Variants in SFMBT2 observed in about 807,000 individuals in gnomAD.
SFMBT2 encodes scm-like with four MBT domains protein 2.
A neutral mutation model predicts 110.1 loss-of-function variants in SFMBT2; 38 were observed. The observed-to-expected ratio is 0.35, with a 90% CI of 0.27 to 0.45. The LOEUF is 0.45. SFMBT2 is among the 20% of genes least tolerant of loss of function. SFMBT2 has a pLI of 1.00. For synonymous variants in SFMBT2, 425 were observed against 425.4 expected, an observed-to-expected ratio of 1.00 and a Z score of 0.01; for missense variants, 1,011 against 1,094.9, an observed-to-expected ratio of 0.92 and a Z score of 1.08.
chr10:7,166,204 T>C (rs1427720458), intron 20 of SFMBT2, among the ~76,000 whole-genome samples: 1 of 152,256 alleles, frequency 6.6e-6, no homozygotes, highest in Non-Finnish European at 1.5e-5. Flanking sequence ...GGAAGTTTAC[T>C]TTCCTGGTGA....
intron 13 of SFMBT2, 194 bp downstream of exon 13, chr10:7,202,286 C>T: frequency 3.5e-6 from 1 of 283,504 alleles, no homozygotes; most frequent in South Asian, 1.3e-4. Flanking sequence ...ATTGCGAGTG[C>T]CTTGGGGAGC....
rs558211991 is a variant in SFMBT2 at position 7,344,260 on chromosome 10, G to C, written c.436+23389C>G. 2.2e-4 allele frequency among the ~76,000 whole-genome samples: 34 copies of C among 152,294 alleles called. No homozygotes were observed. The South Asian group carries it at 6.4e-3, about 29-fold the overall frequency. On this transcript the variant is annotated intron_variant, in intron 4 of 20. Coordinates refer to ENST00000397167, the MANE Select transcript of SFMBT2 (RefSeq NM_001387889.1). ...TGGACAACTGATATGGTTTGGCTGTGTCCCCAACCAAATCTCACCTAAAAT... is the reference window on the plus strand; with the variant it reads ...TGGACAACTGATATGGTTTGGCTGTCTCCCCAACCAAATCTCACCTAAAAT...
chr10:7,364,673 T>C (rs926219527), intron 4 of SFMBT2, among the ~76,000 whole-genome samples: 22 of 152,234 alleles, frequency 1.4e-4, no homozygotes, highest in African/African-American at 4.1e-4. Context: ...ACTTGAAGAG[T>C]GAGTCATGAA....
At chr10:7,190,368 G>GA (rs1838559350) in intron 15 of SFMBT2, among the ~76,000 whole-genome samples, 1 of 152,156 alleles carries the variant, frequency 6.6e-6, no homozygotes, top group Non-Finnish European at 1.5e-5. Context: ...GGGTTTCGCT[G>GA]AGAAAACCCC....
chr10:7,261,756 A>C (rs1841211597), intron 7 of SFMBT2, among the ~76,000 whole-genome samples: 1 of 152,198 alleles, frequency 6.6e-6, no homozygotes, highest in Non-Finnish European at 1.5e-5. Flanking sequence ...TCATATATTC[A>C]TGTAAAGGTT....
chr10:7,162,408 T>C lies in SFMBT2; in HGVS notation c.*1362A>G, dbSNP rs1001111167. On this transcript the variant is annotated 3_prime_UTR_variant, in exon 21 of 21. Coordinates refer to ENST00000397167, the MANE Select transcript of SFMBT2 (RefSeq NM_001387889.1). Reference sequence around the variant, plus strand: ...TCACAGGAATGGAGGTCCAGAGTGATGAGAAGTCACCCAAGATCTCAGAGT... The same window carrying C: ...TCACAGGAATGGAGGTCCAGAGTGACGAGAAGTCACCCAAGATCTCAGAGT... 10 of 152,346 alleles carry C rather than the reference T, an allele frequency of 6.6e-5. No homozygotes were observed. Among genetic ancestry groups the C allele is most frequent in the African/African-American group, 2.2e-4 (9 of 41,542 alleles). 9.4% of individuals were successfully genotyped at this position (152,346 alleles called of 1,614,324 possible).
chr10:7,244,230 A>T, intron 8 of SFMBT2: 1 of 244,250 alleles, frequency 4.1e-6, no homozygotes, highest in Non-Finnish European at 6.6e-6. Context: ...AGCCTCATGG[A>T]CTACAACAAC....
intron 4 of SFMBT2, among the ~76,000 whole-genome samples, chr10:7,347,685 G>C (rs1400592949): frequency 6.6e-6 from 1 of 152,140 alleles, no homozygotes; most frequent in Middle Eastern, 3.2e-3. Context: ...AGCAGAAAGA[G>C]GAGATAAATT....
intron 13 of SFMBT2, chr10:7,200,911 C>T (rs1257204842): frequency 9.5e-6 from 7 of 740,390 alleles, no homozygotes; most frequent in Non-Finnish European, 1.2e-5. Flanking sequence ...TTCTGACCTC[C>T]GGGCCCGCGG....
intron 4 of SFMBT2, among the ~76,000 whole-genome samples, chr10:7,340,091 G>A (rs1269220230): frequency 6.6e-6 from 1 of 152,162 alleles, no homozygotes; most frequent in Non-Finnish European, 1.5e-5. Flanking sequence ...TCCATCAGGG[G>A]CCGGCCTCAA....
chr10:7,381,230 T>C (rs1185909141), intron 2 of SFMBT2, among the ~76,000 whole-genome samples: 2 of 152,174 alleles, frequency 1.3e-5, no homozygotes, highest in Non-Finnish European at 2.9e-5. Context: ...CCTTCCACAC[T>C]GTATGCTTTT....
intron 4 of SFMBT2, among the ~76,000 whole-genome samples, chr10:7,297,232 C>T (rs1842429121): frequency 6.6e-6 from 1 of 152,222 alleles, no homozygotes; most frequent in Non-Finnish European, 1.5e-5. Flanking sequence ...AGAAGGAAGA[C>T]TGAGCTGGCC....
Position 7,171,029 on chromosome 10 carries a change from G to A in SFMBT2, c.2443C>T (p.Leu815=). The part of the protein sequence containing the change: ...EDTKQEEEER[L]VLESNPLEWT... ...TCCAACGGGTTGCTCTCCAGAACCA[G>A]TCTCTCCTCCTCCTCCTGTTTCGTG... Residue 815 remains leucine, a synonymous_variant, in exon 20 of 21, where the codon CTG becomes TTG. Coordinates refer to ENST00000397167, the MANE Select transcript of SFMBT2 (RefSeq NM_001387889.1). The surrounding 1 kb of genome is among the most constrained non-coding windows in gnomAD (Gnocchi z 4.9). The A allele has an allele frequency of 6.2e-7, 1 of 1,614,196 alleles. No individual in the cohort carries two copies. The highest frequency in any genetic ancestry group is 8.5e-7 in the Non-Finnish European group (1 of 1,180,026).
chr10:7,311,777 G>A (rs1158608339), intron 4 of SFMBT2, among the ~76,000 whole-genome samples: 1 of 152,184 alleles, frequency 6.6e-6, no homozygotes, highest in African/African-American at 2.4e-5. Flanking sequence ...ACTTGTCACA[G>A]CCCTTCTAAA....
Position 7,250,156 on chromosome 10 carries a change from T to A in SFMBT2, c.871-1507A>T, listed in dbSNP as rs558460105. ...GTTTTATTTTAGATACAGGGGTACATACACAGGTTTGTTACATGGGCATAC... is the reference window on the plus strand; with the variant it reads ...GTTTTATTTTAGATACAGGGGTACAAACACAGGTTTGTTACATGGGCATAC... On this transcript the variant is annotated intron_variant, in intron 7 of 20. Coordinates refer to ENST00000397167, the MANE Select transcript of SFMBT2 (RefSeq NM_001387889.1). Among the ~76,000 whole-genome samples the A allele has an allele frequency of 3.3e-5, 5 of 152,334 alleles. No individual in the cohort carries two copies. In the East Asian group the frequency reaches 9.6e-4, roughly 29 times the overall value.
At chr10:7,228,703 CTTTCTT>C (rs1564395064) in intron 9 of SFMBT2, among the ~76,000 whole-genome samples, 4 of 133,114 alleles carry the variant, frequency 3.0e-5, no homozygotes, top group South Asian at 5.1e-4. Flanking sequence ...TTCTTTCTTT[CTTTCTT>C]TCTTTCTTTC....
At chr10:7,311,543 G>A (rs901126698) in intron 4 of SFMBT2, among the ~76,000 whole-genome samples, 5 of 152,132 alleles carry the variant, frequency 3.3e-5, no homozygotes, top group Non-Finnish European at 7.3e-5. Context: ...TTACAACTCT[G>A]CCAGCAGTCG....
At chr10:7,345,991 C>T (rs1175023863) in intron 4 of SFMBT2, among the ~76,000 whole-genome samples, 2 of 152,172 alleles carry the variant, frequency 1.3e-5, no homozygotes, top group Non-Finnish European at 1.5e-5. Context: ...GCAGAGCACT[C>T]GGTTGCTACC....
At chr10:7,276,622 C>T (rs1490297905) in intron 7 of SFMBT2, among the ~76,000 whole-genome samples, 1 of 152,080 alleles carries the variant, frequency 6.6e-6, no homozygotes, top group South Asian at 2.1e-4. Context: ...TCTGCCTCCC[C>T]AGTTCAAGCA....
Sources: gnomAD v4.1 joint callset for allele counts (sites outside exome capture counted in the v4.1 genomes callset) on GRCh38, gnomAD v4.1.1 for gene constraint, Gnocchi (gnomAD v3.1) non-coding constraint, MANE v1.5 for transcripts, NCBI Gene and HGNC (gene_info 2026-07-23, HGNC 2026-07-21) for gene names.